The following RCC1L variants were observed in gnomAD, a reference collection of about 807,000 sequenced individuals.
RCC1L encodes RCC1-like G exchanging factor-like protein.
In RCC1L, 46 loss-of-function variants were observed where a neutral mutation model predicts 58.6. That is an observed-to-expected ratio of 0.79 (90% CI 0.62 to 1.00). The LOEUF (loss-of-function observed/expected upper bound fraction) is 1.00, where lower values mean the gene tolerates loss of function less well. Among genes scored for constraint, RCC1L ranks in the 50% least tolerant of loss-of-function variants. The probability of loss-of-function intolerance (pLI) is 0.00; values close to 1 mark genes in which losing one functional copy is unlikely to be tolerated. For synonymous variants in RCC1L, 281 were observed against 262.9 expected, an observed-to-expected ratio of 1.07 and a Z score of -0.67; for missense variants, 636 against 623.6, an observed-to-expected ratio of 1.02 and a Z score of -0.21.
rs1212608729 is a variant in RCC1L, at chr7:75,072,155, C to CATATATATATAT, written c.324+1258_324+1259insATATATATATAT. 5.1e-3 allele frequency among the ~76,000 whole-genome samples: 243 copies of CATATATATATAT among 47,962 alleles called. 10 individuals carry two copies. The highest frequency in any genetic ancestry group is 0.016 in the Middle Eastern group (1 of 62). The allele number at this position is 47,962 out of a possible 152,430, so 31.5% of individuals were successfully genotyped here. ...TTTTAAATTTATACATATACATATA[C>CATATATATATAT]ATATACATATATATATATATATATA... On this transcript the variant is annotated intron_variant, in intron 1 of 10. Coordinates refer to ENST00000610322, the MANE Select transcript of RCC1L (RefSeq NM_030798.5).
chr7:75,042,861 CT>C lies in RCC1L; in HGVS notation c.*170del. ...CCTGCAGCTGGAGAGGGACCTTGCC[CT>C]GATCCTCCTGGTAGGTACCCGCTAA... On this transcript the variant is annotated 3_prime_UTR_variant, in exon 11 of 11. Transcript: ENST00000610322. 1 of 1,462,828 alleles carries C rather than the reference CT, an allele frequency of 6.8e-7. No individual in the cohort carries two copies. The highest frequency in any genetic ancestry group is 9.1e-7 in the Non-Finnish European group (1 of 1,102,396). 90.6% of individuals were successfully genotyped at this position (1,462,828 alleles called of 1,614,324 possible). A position where few individuals can be genotyped will look rare whatever the true frequency, so the allele number is the denominator to read the frequency against.
chr7:75,064,650 T>G lies in RCC1L; in HGVS notation c.584-2A>C, dbSNP rs1806398959. The stretch of plus-strand genomic sequence containing the variant: ...AAGAATTGTTTCCCATGCTGAAGAC[T>G]AAAAATAACACCACCAATCAAATCA... On this transcript the variant is annotated splice_acceptor_variant, in intron 3 of 10. Transcript: ENST00000610322. LOFTEE classifies it high-confidence loss of function. 1 of 1,613,730 alleles carries G rather than the reference T, an allele frequency of 6.2e-7. No homozygotes were observed. Among genetic ancestry groups the G allele is most frequent in the South Asian group, 1.1e-5 (1 of 91,054 alleles).
At chr7:75,069,019 C>T in intron 2 of RCC1L, among the ~76,000 whole-genome samples, 1 of 151,944 alleles carries the variant, frequency 6.6e-6, no homozygotes, top group Non-Finnish European at 1.5e-5. Flanking sequence ...CAGGCGCGCG[C>T]CTCCATGCCC....
intron 10 of RCC1L, among the ~76,000 whole-genome samples, chr7:75,048,266 C>CAA (rs1166086711): frequency 0.017 from 1,587 of 95,694 alleles, 38 homozygotes; most frequent in African/African-American, 0.06. Context: ...GACATCGCCT[C>CAA]AAAAAAAAAA....
In RCC1L at chr7:75,073,743, G is replaced by T; in HGVS notation, c.-6C>A. The T allele has an allele frequency of 3.3e-6, 5 of 1,496,178 alleles. No individual in the cohort carries two copies. Among genetic ancestry groups the T allele is most frequent in the South Asian group, 1.3e-5 (1 of 79,658 alleles). The allele number at this position is 1,496,178 out of a possible 1,614,324, so 92.7% of individuals were successfully genotyped here. ...ACCAACGCCACCAGCGCCATCCTCCGTTCCGCGCCTCAGCAGCCTCTGGGC... is the reference window on the plus strand; with the variant it reads ...ACCAACGCCACCAGCGCCATCCTCCTTTCCGCGCCTCAGCAGCCTCTGGGC... On this transcript the variant is annotated 5_prime_UTR_variant, in exon 1 of 11. Coordinates refer to ENST00000610322, the MANE Select transcript of RCC1L (RefSeq NM_030798.5).
intron 10 of RCC1L, among the ~76,000 whole-genome samples, chr7:75,029,679 C>G (rs1379247676): frequency 6.6e-6 from 1 of 152,134 alleles, no homozygotes; most frequent in Non-Finnish European, 1.5e-5. Flanking sequence ...GAGTGAAGCG[C>G]TTTGCATGGG....
chr7:75,065,824 C>T (rs932507027), intron 3 of RCC1L, among the ~76,000 whole-genome samples: 1 of 151,588 alleles, frequency 6.6e-6, no homozygotes, highest in Non-Finnish European at 1.5e-5. Flanking sequence ...TCAAGACCAG[C>T]CTGGCCAATG....
chr7:75,042,554 G>C lies in RCC1L; in HGVS notation c.*478C>G. 1.0e-6 allele frequency: 1 copy of C among 1,000,048 alleles called. No individual in the cohort carries two copies. The highest frequency in any genetic ancestry group is 1.7e-5 in the African/African-American group (1 of 57,578). The allele number at this position is 1,000,048 out of a possible 1,614,324, so 61.9% of individuals were successfully genotyped here. A position where few individuals can be genotyped will look rare whatever the true frequency, so the allele number is the denominator to read the frequency against. ...GGAAGGGCCATGAGCAGGGTGGCCT[G>C]AATGAAAACCGAGGGCCGAAGCCAG... On this transcript the variant is annotated 3_prime_UTR_variant, in exon 11 of 11. Coordinates refer to ENST00000610322, the MANE Select transcript of RCC1L (RefSeq NM_030798.5).
At position 75,070,569 on chromosome 7, in the gene RCC1L, C is replaced by A; in HGVS notation, c.454+71G>T. ...CTGGCAACAGACTGAGACTCTGTCT[C>A]AAAAAAAATACAAAAAAAGAGCTTT... On this transcript the variant is annotated intron_variant, in intron 2 of 10. Transcript: ENST00000610322. 10 of 1,569,408 alleles carry A rather than the reference C, an allele frequency of 6.4e-6. No individual in the cohort carries two copies. In the South Asian group the frequency reaches 1.2e-4, roughly 18 times the overall value.
At chr7:75,066,279 G>A (rs112330071) in intron 3 of RCC1L, among the ~76,000 whole-genome samples, 3 of 151,622 alleles carry the variant, frequency 2.0e-5, no homozygotes, top group Admixed American at 6.6e-5. Context: ...GTGAAACCCC[G>A]TCTCTACTAA....
At chr7:75,073,198 C>A (rs1806829710) in intron 1 of RCC1L, among the ~76,000 whole-genome samples, 1 of 152,200 alleles carries the variant, frequency 6.6e-6, no homozygotes, top group African/African-American at 2.4e-5. Context: ...AAGCGAATGA[C>A]ACGACCCGGC....
chr7:75,035,395 AG>A (rs1208713281), intron 10 of RCC1L, among the ~76,000 whole-genome samples: 1 of 152,228 alleles, frequency 6.6e-6, no homozygotes, highest in Non-Finnish European at 1.5e-5. Flanking sequence ...TGAGCCTGCA[AG>A]GAACAGCCCA....
chr7:75,043,028 A>G lies in RCC1L; in HGVS notation c.*4T>C, dbSNP rs1220136809. The stretch of plus-strand genomic sequence containing the variant: ...ACGGGGCCGCCCAAGCAGGTGAGGG[A>G]GGTTTAGATGAATGACTTGGCCAGG... On this transcript the variant is annotated 3_prime_UTR_variant, in exon 11 of 11. Coordinates refer to ENST00000610322, the MANE Select transcript of RCC1L (RefSeq NM_030798.5). 3.1e-6 allele frequency: 5 copies of G among 1,613,870 alleles called. No homozygotes were observed.
At chr7:75,067,289 G>C (rs1322048541) in intron 2 of RCC1L, among the ~76,000 whole-genome samples, 1 of 148,442 alleles carries the variant, frequency 6.7e-6, no homozygotes, top group Admixed American at 6.8e-5. Context: ...GGACAAGAGC[G>C]AGACTTCATC....
chr7:75,031,097 A>C (rs1805288111), intron 10 of RCC1L, among the ~76,000 whole-genome samples: 1 of 152,222 alleles, frequency 6.6e-6, no homozygotes, highest in African/African-American at 2.4e-5. Context: ...AGTTCCCTCT[A>C]AAAGAGTAGG....
chr7:75,042,049 T>TA (rs1292217500), downstream of RCC1L: 176 of 521,866 alleles, frequency 3.4e-4, no homozygotes, highest in African/African-American at 3.5e-3. Flanking sequence ...CTTGTCTCTA[T>TA]AAAAAAATAA....
At chr7:75,030,963 TG>T (rs1805285720) in intron 10 of RCC1L, among the ~76,000 whole-genome samples, 1 of 152,138 alleles carries the variant, frequency 6.6e-6, no homozygotes, top group Non-Finnish European at 1.5e-5. Flanking sequence ...ACCCAAACTT[TG>T]GAGGTGGCAG....
chr7:75,039,027 G>A (rs1358565269), downstream of RCC1L, among the ~76,000 whole-genome samples: 1 of 152,256 alleles, frequency 6.6e-6, no homozygotes, highest in Non-Finnish European at 1.5e-5. Context: ...TTTCAGTGGA[G>A]ATGGGGTTTT....
intron 10 of RCC1L, among the ~76,000 whole-genome samples, chr7:75,033,071 C>CAA (rs71098024): frequency 0.012 from 866 of 69,390 alleles, 23 homozygotes; most frequent in South Asian, 0.049. Flanking sequence ...GACTTTGTCT[C>CAA]AAAAAAAAAA....
Sources: allele counts gnomAD v4.1 joint callset (sites outside exome capture counted in the v4.1 genomes callset), GRCh38; gene constraint gnomAD v4.1.1; transcripts MANE v1.5; gene names NCBI Gene and HGNC (gene_info 2026-07-23, HGNC 2026-07-21).